Variants in FHL1 observed in about 807,000 individuals in gnomAD.
The protein encoded by FHL1 is four and a half LIM domains protein 1.
A neutral mutation model predicts 20.3 loss-of-function variants in FHL1; 1 was observed. The observed-to-expected ratio is 0.05, with a 90% CI of 0.02 to 0.23. The LOEUF (loss-of-function observed/expected upper bound fraction) is 0.23, where lower values mean the gene tolerates loss of function less well. FHL1 is among the 10% of genes least tolerant of loss of function. The pLI, the probability that FHL1 is intolerant of heterozygous loss-of-function variation, is 1.00. For missense variants in FHL1, 177 were observed against 234.0 expected, an observed-to-expected ratio of 0.76 and a Z score of 1.59; for synonymous variants, 82 against 88.9, an observed-to-expected ratio of 0.92 and a Z score of 0.44.
intron 1 of FHL1, among the ~76,000 whole-genome samples, chrX:136,154,847 C>T (rs1412886058): frequency 9.0e-6 from 1 of 111,199 alleles, no homozygotes; most frequent in African/African-American, 3.3e-5. Context: ...GCTGGGATTA[C>T]AGGCACGTGA....
At chrX:136,175,355 T>C (rs9887739) in intron 2 of FHL1, among the ~76,000 whole-genome samples, 1,933 of 112,786 alleles carry the variant, frequency 0.017, 47 homozygotes, top group African/African-American at 0.059. Context: ...ATGCACTTAT[T>C]CACTGCTGGT....
chrX:136,149,738 T>C (rs1457570167), intron 1 of FHL1, among the ~76,000 whole-genome samples: 1 of 111,708 alleles, frequency 9.0e-6, no homozygotes, highest in East Asian at 2.8e-4. Context: ...GCATTGGAGG[T>C]AATTTAATAT....
At chrX:136,206,614 G>C (rs2073848271) in intron 2 of FHL1, 26 bp downstream of exon 2, 1 of 1,209,812 alleles carries the variant, frequency 8.3e-7, no homozygotes, top group Non-Finnish European at 1.1e-6. Flanking sequence ...ATGTGCCAAT[G>C]GGAAGGGCTG....
chrX:136,184,108 T>C (rs1163658991), intron 2 of FHL1, among the ~76,000 whole-genome samples: 1 of 112,176 alleles, frequency 8.9e-6, no homozygotes, highest in Non-Finnish European at 1.9e-5. Context: ...TCCTGTGTGT[T>C]CTAAGTTACC....
In FHL1 at chrX:136,174,776, TA is replaced by T. The variant is rs369766176; in HGVS notation, c.-27+4805del. Among the ~76,000 whole-genome samples the T allele has an allele frequency of 1.8e-3, 193 of 109,563 alleles. 1 individual carries two copies. Among genetic ancestry groups the T allele is most frequent in the African/African-American group, 6.1e-3 (185 of 30,233 alleles). On this transcript the variant is annotated intron_variant, in intron 2 of 6. Transcript: ENST00000394153. ...TTTGTTTTAAATTAAGTGCTTCTGG[TA>T]AAAAAAAAGCTAGATATGCTCAGGA...
At chrX:136,177,383 T>A (rs1424317897) in intron 2 of FHL1, among the ~76,000 whole-genome samples, 1 of 111,789 alleles carries the variant, frequency 8.9e-6, no homozygotes, top group East Asian at 2.8e-4. Flanking sequence ...TCACAATTGA[T>A]GTGAAATGAG....
chrX:136,172,132 G>A (rs951427070), intron 2 of FHL1, among the ~76,000 whole-genome samples: 6 of 111,605 alleles, frequency 5.4e-5, no homozygotes, highest in Non-Finnish European at 7.5e-5. Context: ...GGCCTCAAGC[G>A]ATCCGCCCTC....
chrX:136,192,231 G>A (rs1342435677), upstream of FHL1, among the ~76,000 whole-genome samples: 1 of 111,610 alleles, frequency 9.0e-6, no homozygotes, highest in Non-Finnish European at 1.9e-5. Context: ...GGCATGCTCT[G>A]AAAGTCATTT....
chrX:136,173,679 T>C (rs1469962660), intron 2 of FHL1, among the ~76,000 whole-genome samples: 1 of 110,141 alleles, frequency 9.1e-6, no homozygotes, highest in Non-Finnish European at 1.9e-5. Flanking sequence ...TGGAGCCAAA[T>C]GGCTGCTGTT....
chrX:136,208,053 C>G, intron 4 of FHL1, 92 bp downstream of exon 4: 1 of 1,006,472 alleles, frequency 9.9e-7, no homozygotes, highest in Non-Finnish European at 1.4e-6. Context: ...CCCATTCCAT[C>G]CTCACGACAG....
At chrX:136,162,407 G>A (rs1339500444) in intron 1 of FHL1, among the ~76,000 whole-genome samples, 2 of 111,831 alleles carry the variant, frequency 1.8e-5, no homozygotes, top group African/African-American at 3.3e-5. Context: ...AAATGTGGAA[G>A]AGATTCTGGA....
chrX:136,196,840 T>C, upstream of FHL1: 1 of 1,167,261 alleles, frequency 8.6e-7, no homozygotes. Flanking sequence ...CTGGAGCTAA[T>C]TTGGATGCTG....
chrX:136,150,960 C>G (rs985768569), intron 1 of FHL1, among the ~76,000 whole-genome samples: 1 of 112,305 alleles, frequency 8.9e-6, no homozygotes, highest in African/African-American at 3.2e-5. Flanking sequence ...TTGGGCCTCC[C>G]CAAAATATTT....
intron 2 of FHL1, 85 bp from the exon 3 acceptor site, chrX:136,206,931 C>A: frequency 9.5e-7 from 1 of 1,052,723 alleles, no homozygotes. Flanking sequence ...GTGGTCAGTC[C>A]CAGGGAAATC....
intron 1 of FHL1, among the ~76,000 whole-genome samples, chrX:136,152,034 T>G (rs1369590661): frequency 1.8e-5 from 2 of 112,072 alleles, no homozygotes; most frequent in East Asian, 5.6e-4. Flanking sequence ...AAATGAAAAT[T>G]ACTATATGTC....
chrX:136,209,497 G>A, intron 5 of FHL1: 3 of 1,126,391 alleles, frequency 2.7e-6, no homozygotes, highest in Admixed American at 2.2e-5. Flanking sequence ...CCACTTTGAT[G>A]TCATGGCCCT....
chrX:136,183,519 G>A (rs1425690790), intron 2 of FHL1, among the ~76,000 whole-genome samples: 1 of 111,668 alleles, frequency 9.0e-6, no homozygotes, highest in Non-Finnish European at 1.9e-5. Context: ...TCTAGTTTCC[G>A]TTATAGCTCA....
intron 2 of FHL1, among the ~76,000 whole-genome samples, chrX:136,188,246 G>A (rs2073355849): frequency 8.9e-6 from 1 of 111,922 alleles, no homozygotes; most frequent in Non-Finnish European, 1.9e-5. Context: ...AATAACTAAA[G>A]AAAGAATGTG....
chrX:136,159,268 A>G lies in FHL1; in HGVS notation c.-100-10639A>G, dbSNP rs570703590. On this transcript the variant is annotated intron_variant, in intron 1 of 7. Coordinates refer to the FHL1 transcript ENST00000394155. ...TAAAGTCTACTGTTTGTGGCCAGGTACAGTGGCTCATGCCTGTAATCCCAG... is the reference window on the plus strand; with the variant it reads ...TAAAGTCTACTGTTTGTGGCCAGGTGCAGTGGCTCATGCCTGTAATCCCAG... Among the ~76,000 whole-genome samples, 5 of 111,445 alleles carry G rather than the reference A, an allele frequency of 4.5e-5. No individual in the cohort carries two copies. In the South Asian group the frequency reaches 1.9e-3, roughly 42 times the overall value.
Sources: gnomAD v4.1 joint callset for allele counts (sites outside exome capture counted in the v4.1 genomes callset) on GRCh38, gnomAD v4.1.1 for gene constraint, MANE v1.5 for transcripts, NCBI Gene and HGNC (gene_info 2026-07-23, HGNC 2026-07-21) for gene names.